Variants in UVRAG observed in about 807,000 individuals in gnomAD.
UVRAG encodes UV radiation resistance-associated gene protein.
Under a neutral mutation model 78.0 loss-of-function variants are expected in UVRAG, and 19 were observed. The ratio of observed to expected loss-of-function variants is 0.24; its 90% CI spans 0.17 to 0.36. The LOEUF (loss-of-function observed/expected upper bound fraction) is 0.36, where lower values mean the gene tolerates loss of function less well. UVRAG is among the 10% of genes least tolerant of loss of function. The probability of loss-of-function intolerance (pLI) is 1.00; values close to 1 mark genes in which losing one functional copy is unlikely to be tolerated. For missense variants in UVRAG, 740 were observed against 853.8 expected, an observed-to-expected ratio of 0.87 and a Z score of 1.66; for synonymous variants, 323 against 324.6, an observed-to-expected ratio of 1.00 and a Z score of 0.05.
chr11:75,934,863 T>C (rs1179332060), intron 6 of UVRAG: 2 of 152,146 alleles, frequency 1.3e-5, no homozygotes, highest in Non-Finnish European at 2.9e-5. Context: ...TATAATTTAG[T>C]GATGCTACAG....
At chr11:76,110,229 T>TATATATATGTAC (rs1200992102) in intron 13 of UVRAG, among the ~76,000 whole-genome samples, 12 of 150,172 alleles carry the variant, frequency 8.0e-5, no homozygotes, top group African/African-American at 2.7e-4. Flanking sequence ...TATATATATA[T>TATATATATGTAC]ATGTATTAGT....
Position 76,140,984 on chromosome 11 carries a change from C to G in UVRAG, c.1671C>G (p.Phe557Leu). ...CCTCCTTGGATACCTCCTTGGACTTCTCCAAAGAAAACAAGAAAAAAGGAG... is the reference window on the plus strand; with the variant it reads ...CCTCCTTGGATACCTCCTTGGACTTGTCCAAAGAAAACAAGAAAAAAGGAG... ...LSSSLDTSLD[F>L]SKENKKKGED... The change falls in exon 15 of 15, where the codon TTC (phenylalanine) becomes TTG (leucine). Residue 557 changes from phenylalanine to leucine, a missense_variant. Physicochemically the swap from Phe to Leu is conservative, Grantham distance 22. Transcript: ENST00000356136. 6.2e-7 allele frequency: 1 copy of G among 1,614,112 alleles called. No individual in the cohort carries two copies.
chr11:76,057,254 A>T (rs1951001731), intron 12 of UVRAG, among the ~76,000 whole-genome samples: 1 of 152,200 alleles, frequency 6.6e-6, no homozygotes, highest in South Asian at 2.1e-4. Flanking sequence ...AAGAGGGGGA[A>T]AATGTCCATT....
intron 13 of UVRAG, among the ~76,000 whole-genome samples, chr11:76,112,730 C>CT (rs10686022): frequency 0.033 from 4,531 of 139,330 alleles, 77 homozygotes; most frequent in Non-Finnish European, 0.044. Context: ...TTTTTCTTTT[C>CT]TTTTTTTTTT....
At chr11:76,110,830 T>TA (rs892427008) in intron 13 of UVRAG, among the ~76,000 whole-genome samples, 27 of 152,294 alleles carry the variant, frequency 1.8e-4, no homozygotes, top group African/African-American at 6.5e-4. Flanking sequence ...TGGTTTTTTA[T>TA]ATATAAAATC....
At chr11:76,132,347 G>C (rs1424641647) in intron 14 of UVRAG, among the ~76,000 whole-genome samples, 2 of 151,864 alleles carry the variant, frequency 1.3e-5, no homozygotes, top group South Asian at 2.1e-4. Flanking sequence ...AGTTGTAGCT[G>C]TAGATTTTGG....
chr11:75,819,339 CT>C (rs986767672), intron 1 of UVRAG, among the ~76,000 whole-genome samples: 2 of 151,494 alleles, frequency 1.3e-5, no homozygotes, highest in African/African-American at 4.8e-5. Flanking sequence ...TTTTTTTACA[CT>C]TTTTTTTTGT....
intron 13 of UVRAG, among the ~76,000 whole-genome samples, chr11:76,108,035 A>G (rs1414172768): frequency 6.6e-6 from 1 of 152,150 alleles, no homozygotes; most frequent in Non-Finnish European, 1.5e-5. Context: ...ATCTTTTAGT[A>G]ACCTTTTTTG....
chr11:75,994,418 T>C (rs1949668164), intron 8 of UVRAG, among the ~76,000 whole-genome samples: 1 of 152,144 alleles, frequency 6.6e-6, no homozygotes, highest in South Asian at 2.1e-4. Context: ...AGCAGCAAAG[T>C]TGAGATGTGG....
intron 6 of UVRAG, among the ~76,000 whole-genome samples, chr11:75,928,961 A>AAAAGAAAAG (rs1555089145): frequency 7.0e-6 from 1 of 142,934 alleles, no homozygotes; most frequent in African/African-American, 2.8e-5. Flanking sequence ...AAAAAAAAAA[A>AAAAGAAAAG]AAAGAATTGA....
At chr11:76,126,102 A>C (rs1952384814) in intron 14 of UVRAG, among the ~76,000 whole-genome samples, 1 of 146,844 alleles carries the variant, frequency 6.8e-6, no homozygotes, top group African/African-American at 2.7e-5. Flanking sequence ...GGCGCATGCC[A>C]CCTCACCCGG....
At chr11:76,005,455 C>G (rs1259058450) in intron 9 of UVRAG, among the ~76,000 whole-genome samples, 1 of 152,192 alleles carries the variant, frequency 6.6e-6, no homozygotes, top group African/African-American at 2.4e-5. Flanking sequence ...GTCCAACTCA[C>G]TAGCAAAGCC....
chr11:76,035,247 A>G (rs1400354439), intron 12 of UVRAG, among the ~76,000 whole-genome samples: 1 of 152,212 alleles, frequency 6.6e-6, no homozygotes, highest in Non-Finnish European at 1.5e-5. Context: ...TGTGAGAGAT[A>G]TAAGAATTTT....
chr11:75,853,269 G>A (rs554864186), intron 2 of UVRAG, among the ~76,000 whole-genome samples: 1 of 151,774 alleles, frequency 6.6e-6, no homozygotes, highest in African/African-American at 2.4e-5. Context: ...TTTTTTTAAT[G>A]TCAATTCCAG....
At chr11:76,046,082 T>C (rs1565135327) in intron 12 of UVRAG, among the ~76,000 whole-genome samples, 1 of 152,066 alleles carries the variant, frequency 6.6e-6, no homozygotes, top group Non-Finnish European at 1.5e-5. Flanking sequence ...GCACTGAAAG[T>C]TAGAAAGCAA....
chr11:75,904,398 A>G (rs1313041227), intron 5 of UVRAG, among the ~76,000 whole-genome samples: 1 of 152,202 alleles, frequency 6.6e-6, no homozygotes, highest in Non-Finnish European at 1.5e-5. Flanking sequence ...ACCAGATACA[A>G]ATGAGCCGTT....
At chr11:75,889,109 G>C (rs1247274546) in intron 5 of UVRAG, among the ~76,000 whole-genome samples, 2 of 152,104 alleles carry the variant, frequency 1.3e-5, no homozygotes, top group African/African-American at 4.8e-5. Context: ...TCTAAATCCA[G>C]ATTATATTAA....
At chr11:75,907,553 A>G (rs753142778) in intron 5 of UVRAG, among the ~76,000 whole-genome samples, 7 of 151,976 alleles carry the variant, frequency 4.6e-5, no homozygotes, top group Non-Finnish European at 1.0e-4. Context: ...TTGCTCTGTC[A>G]CTTAGGCTGG....
intron 7 of UVRAG, among the ~76,000 whole-genome samples, chr11:75,982,695 A>G (rs1224410732): frequency 6.6e-6 from 1 of 152,164 alleles, no homozygotes; most frequent in Non-Finnish European, 1.5e-5. Context: ...CAAACGTGGA[A>G]ATCTACTTTT....
Sources: allele counts gnomAD v4.1 joint callset (sites outside exome capture counted in the v4.1 genomes callset), GRCh38; gene constraint gnomAD v4.1.1; transcripts MANE v1.5; gene names NCBI Gene and HGNC (gene_info 2026-07-23, HGNC 2026-07-21).